Variants in CNTNAP2 observed in about 807,000 individuals in gnomAD.
CNTNAP2 encodes the protein contactin-associated protein-like 2.
CNTNAP2 carries 98 observed loss-of-function variants against 155.2 expected under a neutral mutation model. That is an observed-to-expected ratio of 0.63 (90% CI 0.54 to 0.75). The LOEUF is 0.75. CNTNAP2 is among the 30% of genes least tolerant of loss of function. The pLI is 0.00. For synonymous variants in CNTNAP2, 651 were observed against 631.2 expected, an observed-to-expected ratio of 1.03 and a Z score of -0.47; for missense variants, 1,727 against 1,688.1, an observed-to-expected ratio of 1.02 and a Z score of -0.40.
chr7:147,868,348 C>T (rs959433334), intron 13 of CNTNAP2, among the ~76,000 whole-genome samples: 4 of 152,106 alleles, frequency 2.6e-5, no homozygotes, highest in African/African-American at 9.7e-5. Context: ...GAGCTTCATC[C>T]CAGAGGGGTG....
At chr7:147,673,685 C>G (rs1795823679) in intron 13 of CNTNAP2, among the ~76,000 whole-genome samples, 1 of 152,046 alleles carries the variant, frequency 6.6e-6, no homozygotes, top group African/African-American at 2.4e-5. Flanking sequence ...AACCATAGTT[C>G]TGGGGAGTGA....
At position 148,366,112 on chromosome 7, in the gene CNTNAP2, G is replaced by A. The variant is rs13309702; in HGVS notation, c.3476-17537G>A. 7.6e-3 allele frequency among the ~76,000 whole-genome samples: 5 copies of A among 662 alleles called. 2 individuals carry two copies. The highest frequency in any genetic ancestry group is 0.33 in the Non-Finnish European group (2 of 6). The allele number at this position is 662 out of a possible 152,430, so 0.4% of individuals were successfully genotyped here. On this transcript the variant is annotated intron_variant, in intron 21 of 23. Coordinates refer to ENST00000361727, the MANE Select transcript of CNTNAP2 (RefSeq NM_014141.6). ...TATACATGTATGTGTATGCATGTAT[G>A]CATGTATGTGTATGCATGTATGCAT...
At chr7:148,147,980 T>C (rs899637785) in intron 17 of CNTNAP2, among the ~76,000 whole-genome samples, 17 of 151,962 alleles carry the variant, frequency 1.1e-4, no homozygotes, top group Non-Finnish European at 2.5e-4. Context: ...CAGGTCTCTC[T>C]AATATCTGCA....
intron 13 of CNTNAP2, among the ~76,000 whole-genome samples, chr7:147,850,537 G>T (rs968904163): frequency 6.6e-6 from 1 of 152,186 alleles, no homozygotes; most frequent in African/African-American, 2.4e-5. Flanking sequence ...CAAGGCTACA[G>T]TAACCAAAAC....
rs1795604212 is a variant in CNTNAP2, at chr7:146,883,953, AG to A, written c.402+44050del. ...TATTAGTTTTTTTGGAAGAAGCCAT[AG>A]TTTATGACCTATCTTGGTTACTATT... On this transcript the variant is annotated intron_variant, in intron 3 of 23. Coordinates refer to ENST00000361727, the MANE Select transcript of CNTNAP2 (RefSeq NM_014141.6). Among the ~76,000 whole-genome samples the A allele has an allele frequency of 2.0e-5, 3 of 152,216 alleles. No individual in the cohort carries two copies. In the South Asian group the frequency reaches 6.2e-4, roughly 32 times the overall value.
At chr7:146,540,916 G>A (rs908059815) in intron 1 of CNTNAP2, among the ~76,000 whole-genome samples, 2 of 152,020 alleles carry the variant, frequency 1.3e-5, no homozygotes, top group Non-Finnish European at 2.9e-5. Flanking sequence ...CCTAAGGAGT[G>A]TTTGATTGTC....
At chr7:148,242,768 G>A (rs915369534) in intron 20 of CNTNAP2, among the ~76,000 whole-genome samples, 1 of 152,212 alleles carries the variant, frequency 6.6e-6, no homozygotes, top group African/African-American at 2.4e-5. Flanking sequence ...CTGAATACGT[G>A]AAGGAATCCA....
At chr7:147,369,451 A>G (rs1358268904) in intron 9 of CNTNAP2, among the ~76,000 whole-genome samples, 1 of 152,216 alleles carries the variant, frequency 6.6e-6, no homozygotes, top group East Asian at 1.9e-4. Context: ...TACTACACAC[A>G]TCCACCAGCA....
chr7:146,387,431 C>A (rs1367780782), intron 1 of CNTNAP2, among the ~76,000 whole-genome samples: 2 of 152,172 alleles, frequency 1.3e-5, no homozygotes, highest in Non-Finnish European at 2.9e-5. Context: ...ATTCATTATT[C>A]CCTTTCATTT....
At chr7:146,760,930 A>G (rs1802086927) in intron 1 of CNTNAP2, among the ~76,000 whole-genome samples, 1 of 152,200 alleles carries the variant, frequency 6.6e-6, no homozygotes, top group African/African-American at 2.4e-5. Flanking sequence ...GACATTTACT[A>G]ACCTGTGAAG....
At chr7:146,941,177 ATTCT>A (rs1204224881) in intron 3 of CNTNAP2, among the ~76,000 whole-genome samples, 1 of 151,976 alleles carries the variant, frequency 6.6e-6, no homozygotes, top group African/African-American at 2.4e-5. Flanking sequence ...TGTTTTGAAG[ATTCT>A]TTCTTCTTCT....
At chr7:148,408,949 G>GGAAT (rs1376318099) in intron 22 of CNTNAP2, among the ~76,000 whole-genome samples, 1 of 152,146 alleles carries the variant, frequency 6.6e-6, no homozygotes, top group Non-Finnish European at 1.5e-5. Context: ...CAAGTTTAAA[G>GGAAT]GAATGATTCC....
rs374288194 is a variant in CNTNAP2, at chr7:148,412,191, C to T, written c.3796+2720C>T. On this transcript the variant is annotated intron_variant, in intron 23 of 23. Coordinates refer to ENST00000361727, the MANE Select transcript of CNTNAP2 (RefSeq NM_014141.6). ...TCCTGACCTTGTGATCCACCCACCT[C>T]GGCCTGCAAAACTGGTAGGATTACA... Among the ~76,000 whole-genome samples, 46 of 152,146 alleles carry T rather than the reference C, an allele frequency of 3.0e-4. No individual in the cohort carries two copies. In the South Asian group the frequency reaches 8.3e-3, roughly 27 times the overall value.
chr7:146,515,019 A>T (rs1253994160), intron 1 of CNTNAP2, among the ~76,000 whole-genome samples: 1 of 152,048 alleles, frequency 6.6e-6, no homozygotes, highest in African/African-American at 2.4e-5. Context: ...CAAATGGAAT[A>T]TCCCAGCTAT....
Position 146,154,855 on chromosome 7 carries a change from C to G in CNTNAP2, c.97+37882C>G, listed in dbSNP as rs546187877. On this transcript the variant is annotated intron_variant, in intron 1 of 23. Coordinates refer to ENST00000361727, the MANE Select transcript of CNTNAP2 (RefSeq NM_014141.6). ...AACCTGGGAAGAGGGTATTCCTTCC[C>G]TTCAGAGCCAAAACAGAGAGTTTTA... Among the ~76,000 whole-genome samples the G allele has an allele frequency of 6.1e-4, 93 of 152,272 alleles. 1 individual carries two copies. Among genetic ancestry groups the G allele is most frequent in the African/African-American group, 2.2e-3 (92 of 41,546 alleles).
At chr7:146,399,219 A>G (rs986410591) in intron 1 of CNTNAP2, among the ~76,000 whole-genome samples, 43 of 152,174 alleles carry the variant, frequency 2.8e-4, no homozygotes, top group African/African-American at 1.0e-3. Flanking sequence ...ATTTTCAAAT[A>G]CACATTTTAT....
chr7:147,726,507 A>G (rs554169757), intron 13 of CNTNAP2, among the ~76,000 whole-genome samples: 2 of 152,102 alleles, frequency 1.3e-5, no homozygotes, highest in Admixed American at 6.6e-5. Context: ...GGCTGTCTTT[A>G]TGTTAAGGGC....
intron 15 of CNTNAP2, among the ~76,000 whole-genome samples, chr7:148,103,287 G>C (rs1327675871): frequency 6.6e-6 from 1 of 151,134 alleles, no homozygotes; most frequent in Non-Finnish European, 1.5e-5. Context: ...TACCCAGCTT[G>C]ACTTTTCCCT....
intron 8 of CNTNAP2, among the ~76,000 whole-genome samples, chr7:147,165,908 G>T (rs770793802): frequency 6.6e-6 from 1 of 152,084 alleles, no homozygotes; most frequent in Non-Finnish European, 1.5e-5. Flanking sequence ...TGGTGAAAAG[G>T]GAACGCTTCT....
Sources: gnomAD v4.1 joint callset for allele counts (sites outside exome capture counted in the v4.1 genomes callset) on GRCh38, gnomAD v4.1.1 for gene constraint, MANE v1.5 for transcripts, NCBI Gene and HGNC (gene_info 2026-07-23, HGNC 2026-07-21) for gene names.